The following ARHGAP12 variants were observed in gnomAD, a reference collection of about 807,000 sequenced individuals.
ARHGAP12 encodes Rho GTPase activating protein 12.
In ARHGAP12, 64 loss-of-function variants were observed where a neutral mutation model predicts 108.6. The ratio of observed to expected loss-of-function variants is 0.59; its 90% CI spans 0.48 to 0.73. ARHGAP12 has a LOEUF of 0.73. ARHGAP12 is among the 30% of genes least tolerant of loss of function. The pLI is 0.00. For synonymous variants in ARHGAP12, 312 were observed against 337.2 expected, an observed-to-expected ratio of 0.93 and a Z score of 0.82; for missense variants, 940 against 1,005.9, an observed-to-expected ratio of 0.93 and a Z score of 0.89.
intron 1 of ARHGAP12, among the ~76,000 whole-genome samples, chr10:31,912,285 G>C (rs1839384435): frequency 6.6e-6 from 1 of 152,164 alleles, no homozygotes; most frequent in Admixed American, 6.5e-5. Context: ...CTTTTCAAAA[G>C]GTTACAGCAG....
At chr10:31,826,023 A>G (rs1480556656) in intron 11 of ARHGAP12, among the ~76,000 whole-genome samples, 1 of 152,198 alleles carries the variant, frequency 6.6e-6, no homozygotes, top group African/African-American at 2.4e-5. Context: ...AAATGAATCA[A>G]GAAATGTATT....
intron 13 of ARHGAP12, among the ~76,000 whole-genome samples, chr10:31,814,624 T>C (rs1835136109): frequency 6.6e-6 from 1 of 152,204 alleles, no homozygotes; most frequent in South Asian, 2.1e-4. Flanking sequence ...TGAGGCTATC[T>C]TGCCTCATTT....
intron 3 of ARHGAP12, among the ~76,000 whole-genome samples, chr10:31,881,278 A>C (rs1163085734): frequency 6.6e-6 from 1 of 152,174 alleles, no homozygotes; most frequent in Non-Finnish European, 1.5e-5. Flanking sequence ...AAAAAACAAA[A>C]ACTTGCCTAA....
At chr10:31,815,994 A>G (rs1835187439) in intron 13 of ARHGAP12, among the ~76,000 whole-genome samples, 1 of 152,098 alleles carries the variant, frequency 6.6e-6, no homozygotes, top group Non-Finnish European at 1.5e-5. Context: ...TACTAAAAAT[A>G]CAAAAACTTA....
At chr10:31,881,932 TGAGACG>T (rs1282253637) in intron 3 of ARHGAP12, among the ~76,000 whole-genome samples, 1 of 150,778 alleles carries the variant, frequency 6.6e-6, no homozygotes, top group Non-Finnish European at 1.5e-5. Flanking sequence ...TTTTTTTTTT[TGAGACG>T]GAGTCTCGCT....
intron 9 of ARHGAP12, among the ~76,000 whole-genome samples, chr10:31,833,384 G>A (rs1835902982): frequency 1.3e-5 from 2 of 150,914 alleles, no homozygotes; most frequent in Non-Finnish European, 2.9e-5. Context: ...ATCAAAACAG[G>A]AAGAAAAATG....
At chr10:31,849,873 G>C (rs1388365841) in intron 6 of ARHGAP12, among the ~76,000 whole-genome samples, 1 of 152,040 alleles carries the variant, frequency 6.6e-6, no homozygotes, top group African/African-American at 2.4e-5. Context: ...TTCATTAAAG[G>C]CATCTCTGAA....
chr10:31,807,965 C>T (rs1335778644), intron 19 of ARHGAP12, 133 bp from the exon 20 acceptor site: 1 of 565,772 alleles, frequency 1.8e-6, no homozygotes, highest in Non-Finnish European at 2.8e-6. Flanking sequence ...GATGCATAAA[C>T]TATTTAACCA....
chr10:31,811,495 G>T (rs931022281), intron 15 of ARHGAP12, among the ~76,000 whole-genome samples: 1 of 150,258 alleles, frequency 6.7e-6, no homozygotes, highest in Non-Finnish European at 1.5e-5. Flanking sequence ...CAGGGAAAAG[G>T]CCTGGTGAAC....
intron 1 of ARHGAP12, among the ~76,000 whole-genome samples, chr10:31,921,763 C>CAAAAAAAAAAAAAAAAAAAAA (rs57420280): frequency 2.6e-5 from 1 of 37,916 alleles, no homozygotes; most frequent in African/African-American, 8.5e-5. Context: ...GGCTCCATCT[C>CAAAAAAAAAAAAAAAAAAAAA]AAAAAAAAAA....
chr10:31,924,285 AAGGC>A (rs1839939503), intron 1 of ARHGAP12, among the ~76,000 whole-genome samples: 4 of 152,352 alleles, frequency 2.6e-5, no homozygotes, highest in Non-Finnish European at 5.9e-5. Flanking sequence ...TGAAAACTCA[AAGGC>A]CTATGAACTT....
chr10:31,807,863 G>A, intron 19 of ARHGAP12, 31 bp from the exon 20 acceptor site: 2 of 1,437,730 alleles, frequency 1.4e-6, no homozygotes, highest in East Asian at 2.4e-5. Flanking sequence ...TGTTAAAAGA[G>A]AAAATAAGAG....
intron 13 of ARHGAP12, 108 bp downstream of exon 13, chr10:31,817,679 TA>T: frequency 1.5e-6 from 1 of 662,586 alleles, no homozygotes; most frequent in Non-Finnish European, 2.5e-6. Flanking sequence ...CAAACATATA[TA>T]AAGTGCCTTT....
intron 12 of ARHGAP12, 67 bp from the exon 13 acceptor site, chr10:31,817,953 C>T: frequency 1.7e-6 from 2 of 1,143,030 alleles, no homozygotes; most frequent in Non-Finnish European, 2.6e-6. Context: ...TACATGAATA[C>T]CTTTAATTCA....
chr10:31,895,368 T>C (rs1392921326), intron 3 of ARHGAP12, among the ~76,000 whole-genome samples: 3 of 152,024 alleles, frequency 2.0e-5, no homozygotes. Context: ...ACGGCTAATA[T>C]CCAGAATCTA....
rs35334116 is a variant in ARHGAP12, at chr10:31,896,707, G to A, written c.684+11465C>T. Among the ~76,000 whole-genome samples, 36 of 152,262 alleles carry A rather than the reference G, an allele frequency of 2.4e-4. No homozygotes were observed. The East Asian group carries it at 6.7e-3, about 29-fold the overall frequency. On this transcript the variant is annotated intron_variant, in intron 3 of 19. Coordinates refer to ENST00000344936, the MANE Select transcript of ARHGAP12 (RefSeq NM_018287.7). ...AAAATCAGTGAGTGAGTTAGGCAAG[G>A]TGGCAAGATACAAGATGAACATGAA...
intron 3 of ARHGAP12, among the ~76,000 whole-genome samples, chr10:31,872,775 C>A (rs1380722449): frequency 2.0e-5 from 3 of 152,188 alleles, no homozygotes; most frequent in African/African-American, 7.2e-5. Context: ...TGAAAGAGAA[C>A]TGTGGCTCTT....
At chr10:31,903,356 G>A (rs745691975) in intron 3 of ARHGAP12, among the ~76,000 whole-genome samples, 8 of 152,076 alleles carry the variant, frequency 5.3e-5, no homozygotes, top group Non-Finnish European at 8.8e-5. Flanking sequence ...TTCTGGTACC[G>A]TCATCATTCA....
At chr10:31,843,396 C>A in intron 7 of ARHGAP12, 65 bp downstream of exon 7, 3 of 1,470,800 alleles carry the variant, frequency 2.0e-6, no homozygotes, top group African/African-American at 2.9e-5. Context: ...AATATTAGTA[C>A]GAATAGTTAC....
Sources: gnomAD v4.1 joint callset for allele counts (sites outside exome capture counted in the v4.1 genomes callset) on GRCh38, gnomAD v4.1.1 for gene constraint, MANE v1.5 for transcripts, NCBI Gene and HGNC (gene_info 2026-07-23, HGNC 2026-07-21) for gene names.